Variants in HSPH1 observed in about 807,000 individuals in gnomAD.
HSPH1 encodes the protein heat shock protein family H (Hsp110) member 1.
In HSPH1, 40 loss-of-function variants were observed where a neutral mutation model predicts 100.0. The ratio of observed to expected loss-of-function variants is 0.40; its 90% CI spans 0.31 to 0.52. The LOEUF (loss-of-function observed/expected upper bound fraction) is 0.52. Ranked by LOEUF, HSPH1 falls within the 20% of genes least tolerant of loss-of-function variation. HSPH1 has a pLI of 0.54. For synonymous variants in HSPH1, 403 were observed against 344.0 expected (o/e 1.17, Z -1.90); for missense variants, 876 against 1,015.1 (o/e 0.86, Z 1.86).
At chr13:31,145,351 T>C (rs1378749769) in intron 11 of HSPH1, among the ~76,000 whole-genome samples, 1 of 152,200 alleles carries the variant, frequency 6.6e-6, no homozygotes, top group Non-Finnish European at 1.5e-5. Flanking sequence ...ACTAGTTACT[T>C]CAAATTAAGT....
At position 31,146,321 on chromosome 13, in the gene HSPH1, G is replaced by A. The variant is rs71436432; in HGVS notation, c.1379-553C>T. ...ATACACTTGAAATTAATCTTAGCAT[G>A]CCATAAAAACTTTCAAAGGTAAGGG... On this transcript the variant is annotated intron_variant, in intron 10 of 17. Coordinates refer to ENST00000320027, the MANE Select transcript of HSPH1 (RefSeq NM_006644.4). 2.3e-3 allele frequency among the ~76,000 whole-genome samples: 353 copies of A among 152,162 alleles called. 2 individuals are homozygous for A. Among genetic ancestry groups the A allele is most frequent in the Non-Finnish European group, 4.3e-3 (289 of 67,992 alleles).
At chr13:31,145,187 T>C (rs1956225043) in intron 11 of HSPH1, among the ~76,000 whole-genome samples, 2 of 152,172 alleles carry the variant, frequency 1.3e-5, no homozygotes, top group African/African-American at 4.8e-5. Flanking sequence ...TAAAAAACTT[T>C]AATATTTGGT....
intron 12 of HSPH1, among the ~76,000 whole-genome samples, chr13:31,141,656 T>C (rs1238628884): frequency 1.3e-5 from 2 of 152,088 alleles, no homozygotes. Context: ...CAAAACACGT[T>C]AGGATCATCT....
rs1016002427 is a variant in HSPH1 at position 31,156,937 on chromosome 13, A to G, written c.166-1283T>C. 1.1e-4 allele frequency among the ~76,000 whole-genome samples: 17 copies of G among 152,246 alleles called. No individual in the cohort carries two copies. The East Asian group carries it at 1.2e-3, about 10-fold the overall frequency. On this transcript the variant is annotated intron_variant, in intron 2 of 17. Transcript: ENST00000320027. ...AGATTGAAAAGCCCCACTTCAGAGC[A>G]CATTTCACTCAAGGGTACCTCATTT... is the stretch of plus-strand genomic sequence containing the variant.
At chr13:31,149,924 C>T in intron 8 of HSPH1, 30 bp downstream of exon 8, 1 of 1,559,600 alleles carries the variant, frequency 6.4e-7, no homozygotes, top group Non-Finnish European at 8.8e-7. Context: ...AAAGACTGTA[C>T]ACCAAGCAAA....
Position 31,150,122 on chromosome 13 carries a change from T to C in HSPH1, c.969A>G (p.Ser323=). The C allele has an allele frequency of 1.9e-6, 3 of 1,612,716 alleles. No individual in the cohort carries two copies. The highest frequency in any genetic ancestry group is 2.5e-6 in the Non-Finnish European group (3 of 1,178,932). ...LLQKIEVPLY[S]LLEQTHLKVE... is the part of the protein sequence containing the mutation. ...CTTTGAGATGAGTTTGTTCCAACAG[T>C]GAATAAAGGGGTACTTCTATCTTTT... The change falls in exon 8 of 18, where the codon TCA becomes TCG. Residue 323 remains serine, a synonymous_variant. Coordinates refer to ENST00000320027, the MANE Select transcript of HSPH1 (RefSeq NM_006644.4).
Position 31,137,358 on chromosome 13 carries a change from T to C in HSPH1, c.2537A>G (p.Tyr846Cys), listed in dbSNP as rs2137526292. The C allele has an allele frequency of 1.2e-6, 2 of 1,613,054 alleles. No individual in the cohort carries two copies. Among genetic ancestry groups the C allele is most frequent in the Non-Finnish European group, 1.7e-6 (2 of 1,179,326 alleles). ...ATTAACAGAATTTTTCTCATTAGGG[T>C]AACATTCACCATTCTGATGTGGAGG... ...AEPPHQNGEC[Y>C]PNEKNSVNMD... Residue 846 changes from tyrosine to cysteine, a missense_variant, in exon 18 of 18, where the codon TAC (tyrosine) becomes TGC (cysteine). Physicochemically the swap from Tyr to Cys is radical, Grantham distance 194 (BLOSUM62 -2). Transcript: ENST00000320027.
upstream of HSPH1, chr13:31,162,220 G>A: frequency 2.3e-6 from 2 of 873,150 alleles, no homozygotes; most frequent in East Asian, 2.7e-5. Context: ...ACTCGGAATA[G>A]TCACAATTTA....
At position 31,161,786 on chromosome 13, in the gene HSPH1, C is replaced by G; in HGVS notation, c.-204G>C. 6.7e-7 allele frequency: 1 copy of G among 1,497,368 alleles called. No homozygotes were observed. The highest frequency in any genetic ancestry group is 8.9e-7 in the Non-Finnish European group (1 of 1,124,276). 92.8% of individuals were successfully genotyped at this position (1,497,368 alleles called of 1,614,324 possible). A position where few individuals can be genotyped will look rare whatever the true frequency, so the allele number is the denominator to read the frequency against. On this transcript the variant is annotated 5_prime_UTR_variant, in exon 1 of 18. Transcript: ENST00000320027. ...CTCCCCCGGGGACAGCGGCGGCTGG[C>G]TGATAAGAAACCCTGGGAGAAAGCG...
rs1258220802 is a variant in HSPH1, at chr13:31,135,966, G to A, written c.*1352C>T. On this transcript the variant is annotated 3_prime_UTR_variant, in exon 18 of 18. Coordinates refer to ENST00000320027, the MANE Select transcript of HSPH1 (RefSeq NM_006644.4). ...AGGCAGACAGATTGCTTGAGCCCAGGAGTTCAAGACGAACTTGGGCAACAT... is the reference window on the plus strand; with the variant it reads ...AGGCAGACAGATTGCTTGAGCCCAGAAGTTCAAGACGAACTTGGGCAACAT... 2 of 151,590 alleles carry A rather than the reference G, an allele frequency of 1.3e-5. No individual in the cohort carries two copies. Among genetic ancestry groups the A allele is most frequent in the Non-Finnish European group, 2.9e-5 (2 of 67,974 alleles). The allele number at this position is 151,590 out of a possible 1,614,324, so 9.4% of individuals were successfully genotyped here. A position where few individuals can be genotyped will look rare whatever the true frequency, so the allele number is the denominator to read the frequency against.
Position 31,143,865 on chromosome 13 carries a change from G to A in HSPH1, c.1643C>T (p.Ala548Val). ...AGGGGGAGACTGTGAGGTTTGTTGA[G>A]CATCAGTTTGTACCTGGGGCTGTGT... The part of the protein sequence containing the change: ...AGTQPQVQTD[A>V]QQTSQSPPSP... Residue 548 changes from alanine to valine, a missense_variant, in exon 12 of 18, where the codon GCT becomes GTT. Coordinates refer to ENST00000320027, the MANE Select transcript of HSPH1 (RefSeq NM_006644.4). 5 of 1,611,698 alleles carry A rather than the reference G, an allele frequency of 3.1e-6. No homozygotes were observed. Among genetic ancestry groups the A allele is most frequent in the Non-Finnish European group, 4.2e-6 (5 of 1,178,622 alleles).
At chr13:31,138,592 T>G (rs1429194630) in intron 16 of HSPH1, 24 bp from the exon 17 acceptor site, 6 of 1,589,144 alleles carry the variant, frequency 3.8e-6, no homozygotes, top group Non-Finnish European at 5.1e-6. Flanking sequence ...ACACGGTCAT[T>G]CTGTAGAATT....
At position 31,141,122 on chromosome 13, in the gene HSPH1, C is replaced by T. The variant is rs1383895275; in HGVS notation, c.1854G>A (p.Glu618=). ...AAAAATATTTAATTGAAGTACTTACCTCTGTCTCAATATACATGTTAAGAA... is the reference window on the plus strand; with the variant it reads ...AAAAATATTTAATTGAAGTACTTACTTCTGTCTCAATATACATGTTAAGAA... The part of the protein sequence containing the change: ...KDLLNMYIET[E]GKMIMQDKLE... Residue 618 remains glutamate, a splice_region_variant and synonymous_variant, in exon 13 of 18, where the codon GAG becomes GAA. Coordinates refer to ENST00000320027, the MANE Select transcript of HSPH1 (RefSeq NM_006644.4). 1.3e-6 allele frequency: 2 copies of T among 1,572,892 alleles called. No homozygotes were observed. Among genetic ancestry groups the T allele is most frequent in the African/African-American group, 1.4e-5 (1 of 73,038 alleles).
intron 10 of HSPH1, among the ~76,000 whole-genome samples, chr13:31,145,987 T>C (rs995945978): frequency 2.0e-5 from 3 of 151,920 alleles, no homozygotes; most frequent in African/African-American, 7.3e-5. Context: ...AATAATAAAT[T>C]AGCCGAGCAC....
intron 1 of HSPH1, 90 bp from the exon 2 acceptor site, chr13:31,158,953 C>A: frequency 1.2e-6 from 1 of 802,044 alleles, no homozygotes; most frequent in Non-Finnish European, 2.2e-6. Flanking sequence ...AATGTCCTAC[C>A]CATTAGGGGA....
chr13:31,157,753 G>C (rs1956750019), intron 2 of HSPH1, among the ~76,000 whole-genome samples: 1 of 152,112 alleles, frequency 6.6e-6, no homozygotes, highest in Non-Finnish European at 1.5e-5. Flanking sequence ...GATCAGTGCT[G>C]TTCAACAGAA....
chr13:31,159,400 G>C (rs574420231), intron 1 of HSPH1, among the ~76,000 whole-genome samples: 1 of 152,238 alleles, frequency 6.6e-6, no homozygotes, highest in South Asian at 2.1e-4. Flanking sequence ...GATTCTGCCG[G>C]AGAAAGAAAA....
At position 31,161,854 on chromosome 13, in the gene HSPH1, C is replaced by T. The variant is rs1956932018; in HGVS notation, c.-272G>A. 2.0e-6 allele frequency: 3 copies of T among 1,481,832 alleles called. No individual in the cohort carries two copies. Among genetic ancestry groups the T allele is most frequent in the Admixed American group, 4.5e-5 (2 of 44,938 alleles). The allele number at this position is 1,481,832 out of a possible 1,614,324, so 91.8% of individuals were successfully genotyped here. A position where few individuals can be genotyped will look rare whatever the true frequency, so the allele number is the denominator to read the frequency against. The stretch of plus-strand genomic sequence containing the variant: ...GTCGCTCCGCACCTCGGGTTGCCTG[C>T]CTCACTCTGCCGCGGCTCGCACACC... On this transcript the variant is annotated 5_prime_UTR_variant, in exon 1 of 18. Transcript: ENST00000320027.
chr13:31,150,062 G>A lies in HSPH1; in HGVS notation c.1029C>T (p.Gly343=), dbSNP rs1301059434. Residue 343 remains glycine (G), a synonymous_variant, in exon 8 of 18, where the codon GGC becomes GGT. Transcript: ENST00000320027. ...EDVSAVEIVG[G]ATRIPAVKER... ...CCTTCACAGCTGGAATTCGTGTAGC[G>A]CCTCCAACAATCTCAACTGCACTCA... 26 of 1,613,578 alleles carry A rather than the reference G, an allele frequency of 1.6e-5. No homozygotes were observed. The highest frequency in any genetic ancestry group is 6.7e-5 in the Admixed American group (4 of 59,964).
Sources: allele counts gnomAD v4.1 joint callset (sites outside exome capture counted in the v4.1 genomes callset), GRCh38; gene constraint gnomAD v4.1.1; transcripts MANE v1.5; gene names NCBI Gene and HGNC (gene_info 2026-07-23, HGNC 2026-07-21).